The following RPAP3 variants were observed in gnomAD, a reference collection of about 807,000 sequenced individuals.
RPAP3 encodes RNA polymerase II associated protein 3.
RPAP3 carries 58 observed loss-of-function variants against 88.8 expected under a neutral mutation model. The ratio of observed to expected loss-of-function variants is 0.65; its 90% CI spans 0.53 to 0.81. RPAP3 has a LOEUF of 0.81. RPAP3 is among the 40% of genes least tolerant of loss of function. RPAP3 has a pLI of 0.00. For synonymous variants in RPAP3, 255 were observed against 259.9 expected, an observed-to-expected ratio of 0.98 and a Z score of 0.18; for missense variants, 751 against 764.3, an observed-to-expected ratio of 0.98 and a Z score of 0.20.
chr12:47,669,013 G>C lies in RPAP3; in HGVS notation c.1616C>G (p.Thr539Arg), dbSNP rs760962372. 1.2e-6 allele frequency: 2 copies of C among 1,613,644 alleles called. No individual in the cohort carries two copies. The highest frequency in any genetic ancestry group is 1.7e-5 in the Admixed American group (1 of 60,006). ...TGCAGGAATTGGAGGAAGAACAGTT[G>C]TGGCAAACTGAGCAGGTTTTTGTTC... is the stretch of plus-strand genomic sequence containing the variant. ...EIEQKPAQFATTVLPPIPANS... is the reference protein window; with the variant it reads ...EIEQKPAQFARTVLPPIPANS... The change falls in exon 14 of 17, where the codon ACA (threonine) becomes AGA (arginine). Residue 539 changes from threonine (T) to arginine (R), a missense_variant. Coordinates refer to ENST00000005386, the MANE Select transcript of RPAP3 (RefSeq NM_024604.3).
intron 9 of RPAP3, among the ~76,000 whole-genome samples, chr12:47,686,545 TACAC>T (rs59485150): frequency 0.014 from 2,050 of 145,424 alleles, 32 homozygotes; most frequent in African/African-American, 0.037. Context: ...CACATACACA[TACAC>T]ACACACACAC....
intron 5 of RPAP3, among the ~76,000 whole-genome samples, chr12:47,694,574 A>G (rs1939486605): frequency 6.6e-6 from 1 of 152,108 alleles, no homozygotes; most frequent in Admixed American, 6.5e-5. Context: ...CTACAAATTG[A>G]GAGAAGATAG....
intron 1 of RPAP3, among the ~76,000 whole-genome samples, chr12:47,704,936 G>A (rs1182876074): frequency 6.6e-6 from 1 of 151,772 alleles, no homozygotes; most frequent in Non-Finnish European, 1.5e-5. Flanking sequence ...TCGGGAGATC[G>A]AGGCCACAGT....
intron 6 of RPAP3, among the ~76,000 whole-genome samples, chr12:47,689,767 C>T (rs1460967432): frequency 6.6e-6 from 1 of 152,226 alleles, no homozygotes; most frequent in Admixed American, 6.5e-5. Flanking sequence ...GCAGGCCGGG[C>T]GCAGTGGCTC....
chr12:47,664,832 G>A (rs1357080687), intron 16 of RPAP3: 2 of 152,204 alleles, frequency 1.3e-5, no homozygotes, highest in South Asian at 2.1e-4. Context: ...CTGCTGTCAT[G>A]GAGCTTTCAT....
chr12:47,670,693 T>A (rs1938980254), intron 12 of RPAP3, among the ~76,000 whole-genome samples: 1 of 152,136 alleles, frequency 6.6e-6, no homozygotes, highest in African/African-American at 2.4e-5. Context: ...AATGGCAAAG[T>A]TGAAGGGTGC....
chr12:47,696,478 G>C, intron 4 of RPAP3, 75 bp from the exon 5 acceptor site: 1 of 1,005,148 alleles, frequency 9.9e-7, no homozygotes. Flanking sequence ...GAACGACCCA[G>C]GTTTGAAGTG....
chr12:47,693,960 C>T (rs185870339), intron 5 of RPAP3, among the ~76,000 whole-genome samples: 2 of 152,314 alleles, frequency 1.3e-5, no homozygotes, highest in East Asian at 3.9e-4. Flanking sequence ...AGATATTTCA[C>T]ATTCATCTAT....
chr12:47,687,756 C>T (rs7136422), intron 8 of RPAP3, 120 bp downstream of exon 8: 682,892 of 1,200,002 alleles, frequency 0.57, 195,794 homozygotes, highest in Admixed American at 0.69. Flanking sequence ...GCATTTAATT[C>T]CCAATTCCTA....
chr12:47,703,369 A>G (rs1177731081), intron 1 of RPAP3, among the ~76,000 whole-genome samples: 1 of 152,224 alleles, frequency 6.6e-6, no homozygotes, highest in African/African-American at 2.4e-5. Context: ...ATTTATTTTA[A>G]GAGTGCTGTC....
chr12:47,705,363 T>C (rs1342209296), intron 1 of RPAP3, among the ~76,000 whole-genome samples: 1 of 152,234 alleles, frequency 6.6e-6, no homozygotes, highest in East Asian at 1.9e-4. Context: ...TGTTTGACCA[T>C]ATATGCACAA....
chr12:47,673,823 G>A (rs1004293424), intron 12 of RPAP3, among the ~76,000 whole-genome samples: 1 of 151,920 alleles, frequency 6.6e-6, no homozygotes, highest in Non-Finnish European at 1.5e-5. Flanking sequence ...GTACTTTTCT[G>A]TATGTATATT....
At position 47,679,500 on chromosome 12, in the gene RPAP3, C is replaced by T. The variant is rs144528022; in HGVS notation, c.1280G>A (p.Gly427Glu). 378 of 1,593,276 alleles carry T rather than the reference C, an allele frequency of 2.4e-4. No individual in the cohort carries two copies. The African/African-American group carries it at 4.2e-3, about 18-fold the overall frequency. Residue 427 changes from glycine (G) to glutamate (E), a missense_variant, in exon 12 of 17, where the codon GGA becomes GAA. Physicochemically the swap from Gly to Glu is moderately conservative, Grantham distance 98 (BLOSUM62 -2). Transcript: ENST00000005386. ...VKPIDNPPHP[G>E]STKPLKKVII... is the part of the protein sequence containing the mutation. The stretch of plus-strand genomic sequence containing the variant: ...TGAAAGTGCTTTACTTACAGTTGAT[C>T]CAGGATGCGGTGGATTATCAATGGG...
intron 10 of RPAP3, among the ~76,000 whole-genome samples, chr12:47,680,815 G>A (rs1939207255): frequency 1.3e-5 from 2 of 150,034 alleles, no homozygotes. Flanking sequence ...CCTACCTGCT[G>A]ATAAAACCAC....
intron 10 of RPAP3, among the ~76,000 whole-genome samples, chr12:47,680,311 G>A (rs917102462): frequency 6.6e-6 from 1 of 152,120 alleles, no homozygotes; most frequent in Non-Finnish European, 1.5e-5. Flanking sequence ...GGAGAATGGA[G>A]AGTTATTGTT....
intron 1 of RPAP3, among the ~76,000 whole-genome samples, chr12:47,703,868 G>C (rs1239654422): frequency 6.6e-6 from 1 of 152,210 alleles, no homozygotes; most frequent in Admixed American, 6.5e-5. Flanking sequence ...TTGGAGAACA[G>C]AGAAAGACTC....
At chr12:47,684,992 G>GT (rs1432521025) in intron 9 of RPAP3, among the ~76,000 whole-genome samples, 1 of 152,194 alleles carries the variant, frequency 6.6e-6, no homozygotes, top group Non-Finnish European at 1.5e-5. Context: ...GAAAAAAACT[G>GT]TATCACTGTT....
intron 8 of RPAP3, 45 bp downstream of exon 8, chr12:47,687,831 C>G: frequency 6.4e-7 from 1 of 1,567,354 alleles, no homozygotes; most frequent in East Asian, 2.3e-5. Flanking sequence ...TAAATCAACA[C>G]TCAGCAAAAC....
chr12:47,689,175 G>C lies in RPAP3; in HGVS notation c.688C>G (p.Leu230Val), dbSNP rs1939380658. The C allele has an allele frequency of 6.9e-7, 1 of 1,444,528 alleles. No homozygotes were observed. Among genetic ancestry groups the C allele is most frequent in the South Asian group, 1.2e-5 (1 of 83,336 alleles). The allele number at this position is 1,444,528 out of a possible 1,614,324, so 89.5% of individuals were successfully genotyped here. The change falls in exon 7 of 17, where the codon CTA becomes GTA. Residue 230 changes from leucine (L) to valine (V), a missense_variant. Coordinates refer to ENST00000005386, the MANE Select transcript of RPAP3 (RefSeq NM_024604.3). ...AKKDYERVLE[L>V]EPNNFEATNE... ...GTTGCTTCAAAGTTATTTGGTTCTA[G>C]TTCTAATACTCTTTCATAATCTAAG...
Sources: gnomAD v4.1 joint callset for allele counts (sites outside exome capture counted in the v4.1 genomes callset) on GRCh38, gnomAD v4.1.1 for gene constraint, MANE v1.5 for transcripts, NCBI Gene and HGNC (gene_info 2026-07-23, HGNC 2026-07-21) for gene names.